Variants in DIP2C observed in about 807,000 individuals in gnomAD.
DIP2C encodes DIP2 acetate--CoA ligase C (putative).
In DIP2C, 33 loss-of-function variants were observed where a neutral mutation model predicts 192.4. The ratio of observed to expected loss-of-function variants is 0.17; its 90% CI spans 0.13 to 0.23. The LOEUF (loss-of-function observed/expected upper bound fraction) is 0.23. DIP2C is among the 10% of genes least tolerant of loss of function. The probability of loss-of-function intolerance (pLI) is 1.00; values close to 1 mark genes in which losing one functional copy is unlikely to be tolerated. For missense variants in DIP2C, 1,537 were observed against 2,110.1 expected (o/e 0.73, Z 5.32); for synonymous variants, 979 against 864.1 (o/e 1.13, Z -2.33).
chr10:577,808 CTTTTGTT>C (rs1383280385), intron 1 of DIP2C, among the ~76,000 whole-genome samples: 1 of 148,480 alleles, frequency 6.7e-6, no homozygotes, highest in Non-Finnish European at 1.5e-5. Flanking sequence ...TGTTTTGTTT[CTTTTGTT>C]TTTTTGTGTT....
chr10:443,348 A>G (rs1054118959), intron 3 of DIP2C, among the ~76,000 whole-genome samples: 1 of 152,170 alleles, frequency 6.6e-6, no homozygotes, highest in African/African-American at 2.4e-5. Context: ...GAACTCATGG[A>G]GTCTGGCTTG....
rs367775821 is a variant in DIP2C at position 327,142 on chromosome 10, C to G, written c.3788G>C (p.Cys1263Ser). Reference protein sequence around the residue: ...RGLDLSRVRTCVVVAEERPRI... With the variant: ...RGLDLSRVRTSVVVAEERPRI... ...AGGCCTCTCTTCCGCCACAACCACG[C>G]AGGTCCTCACTCGGGACAAGTCCAG... Residue 1263 changes from cysteine (C) to serine (S), a missense_variant, in exon 31 of 37, where the codon TGC becomes TCC. By Grantham distance (112) the Cys-to-Ser change is moderately radical. Around this residue, in one of 4 missense-constraint regions of DIP2C, gnomAD observed 341 missense variants for 551.7 expected, o/e 0.62. Coordinates refer to ENST00000280886, the MANE Select transcript of DIP2C (RefSeq NM_014974.3). 45 of 1,614,012 alleles carry G rather than the reference C, an allele frequency of 2.8e-5. No individual in the cohort carries two copies. Among genetic ancestry groups the G allele is most frequent in the Non-Finnish European group, 3.7e-5 (44 of 1,180,042 alleles).
At chr10:314,045 G>C (rs141097294) in intron 31 of DIP2C, among the ~76,000 whole-genome samples, 124 of 152,328 alleles carry the variant, frequency 8.1e-4, no homozygotes, top group African/African-American at 2.8e-3. Flanking sequence ...GTAAGTCTGA[G>C]AAGACGAGAA....
chr10:310,843 A>C (rs1335693135), intron 31 of DIP2C, among the ~76,000 whole-genome samples: 2 of 152,218 alleles, frequency 1.3e-5, no homozygotes, highest in Non-Finnish European at 2.9e-5. Context: ...AAAATTGTAC[A>C]CTCATTTTTG....
chr10:503,725 G>A (rs1845405711), intron 1 of DIP2C, among the ~76,000 whole-genome samples: 1 of 152,152 alleles, frequency 6.6e-6, no homozygotes, highest in Non-Finnish European at 1.5e-5. Flanking sequence ...AACGTTTGCT[G>A]GCCTCTATAT....
chr10:344,854 A>G lies in DIP2C; in HGVS notation c.3408T>C (p.Tyr1136=). ...CKPCNPDTLA[Y]LDFSVSTTGM... The stretch of plus-strand genomic sequence containing the variant: ...CAGTTGTGGACACGCTGAAGTCGAG[A>G]TATGCAAGAGTGTCTGGGTTGCAAG... Residue 1136 remains tyrosine (Y), a synonymous_variant, in exon 28 of 37, where the codon TAT becomes TAC. Coordinates refer to ENST00000280886, the MANE Select transcript of DIP2C (RefSeq NM_014974.3). 6.2e-7 allele frequency: 1 copy of G among 1,606,062 alleles called. No homozygotes were observed.
At chr10:661,954 G>T in intron 1 of DIP2C, 2 of 698,574 alleles carry the variant, frequency 2.9e-6, no homozygotes, top group Non-Finnish European at 2.6e-6. Flanking sequence ...TTCCCCTCCT[G>T]ACCCAGGCAC....
At chr10:486,619 G>T in intron 1 of DIP2C, 89 bp from the exon 2 acceptor site, 1 of 1,096,074 alleles carries the variant, frequency 9.1e-7, no homozygotes, top group East Asian at 2.7e-5. Context: ...AGTTATCACA[G>T]TATCTTCTGT....
intron 8 of DIP2C, among the ~76,000 whole-genome samples, chr10:411,209 G>C (rs1965161415): frequency 6.6e-6 from 1 of 152,200 alleles, no homozygotes; most frequent in Non-Finnish European, 1.5e-5. Context: ...ACGTTAAAAG[G>C]GAGATGAGCA....
intron 1 of DIP2C, among the ~76,000 whole-genome samples, chr10:656,069 A>C (rs188619089): frequency 6.5e-4 from 96 of 148,458 alleles, no homozygotes; most frequent in African/African-American, 2.3e-3. Flanking sequence ...TACTATATAT[A>C]TAATGTTACA....
intron 17 of DIP2C, among the ~76,000 whole-genome samples, chr10:377,623 G>T (rs1361660990): frequency 6.6e-6 from 1 of 152,140 alleles, no homozygotes; most frequent in Non-Finnish European, 1.5e-5. Context: ...CCGAGCAGTG[G>T]GAAGTGCTCA....
chr10:535,283 G>C (rs147446792), intron 1 of DIP2C, among the ~76,000 whole-genome samples: 293 of 152,088 alleles, frequency 1.9e-3, no homozygotes, highest in African/African-American at 6.6e-3. Context: ...CAGGGCCAGG[G>C]GTGGGGAGAG....
rs768289049 is a variant in DIP2C, at chr10:364,493, G to A, written c.2358C>T (p.Leu786=). ...CATCCATCTTGCCCACCACGAAGAC[G>A]AGGCCTCCGGGACCCACGAACCCCA... ...GLLGFVGPGG[L]VFVVGKMDGL... is the part of the protein sequence containing the mutation. The change falls in exon 20 of 37, where the codon CTC becomes CTT. Residue 786 remains leucine, a synonymous_variant. Coordinates refer to ENST00000280886, the MANE Select transcript of DIP2C (RefSeq NM_014974.3). 9 of 1,614,030 alleles carry A rather than the reference G, an allele frequency of 5.6e-6. No homozygotes were observed. The highest frequency in any genetic ancestry group is 2.7e-5 in the African/African-American group (2 of 74,916).
intron 17 of DIP2C, 88 bp downstream of exon 17, chr10:382,558 GC>G (rs1564641047): frequency 1.0e-6 from 1 of 1,001,812 alleles, no homozygotes; most frequent in Non-Finnish European, 1.5e-6. Flanking sequence ...CTCACCCTCA[GC>G]ATCAACTGTT....
At chr10:592,247 G>A (rs916116243) in intron 1 of DIP2C, among the ~76,000 whole-genome samples, 3 of 152,230 alleles carry the variant, frequency 2.0e-5, no homozygotes, top group Admixed American at 6.5e-5. Context: ...TTCAACTGAA[G>A]AAAATGGTTC....
At chr10:531,370 C>T (rs971893121) in intron 1 of DIP2C, among the ~76,000 whole-genome samples, 9 of 152,090 alleles carry the variant, frequency 5.9e-5, no homozygotes, top group African/African-American at 2.2e-4. Context: ...TCCTGAGGGG[C>T]GTGTGCTTAC....
chr10:505,182 C>CA (rs1845510494), intron 1 of DIP2C, among the ~76,000 whole-genome samples: 1 of 152,164 alleles, frequency 6.6e-6, no homozygotes, highest in South Asian at 2.1e-4. Context: ...GGAGCAATTC[C>CA]AATTGCTGAT....
intron 1 of DIP2C, among the ~76,000 whole-genome samples, chr10:626,293 A>C (rs1345236661): frequency 6.6e-6 from 1 of 152,122 alleles, no homozygotes; most frequent in Non-Finnish European, 1.5e-5. Context: ...AGTGGTTCAT[A>C]CTGGGCCAAT....
chr10:507,525 C>T (rs146691699), intron 1 of DIP2C, among the ~76,000 whole-genome samples: 159 of 152,232 alleles, frequency 1.0e-3, no homozygotes, highest in Non-Finnish European at 1.4e-3. Context: ...CCCGGTCACC[C>T]GCTGTGTCCA....
Sources: gnomAD v4.1 joint callset for allele counts (sites outside exome capture counted in the v4.1 genomes callset) on GRCh38, gnomAD v4.1.1 for gene constraint, gnomAD v4.1.1 regional missense constraint, MANE v1.5 for transcripts, NCBI Gene and HGNC (gene_info 2026-07-23, HGNC 2026-07-21) for gene names.